Variants in KLHL1 observed in about 807,000 individuals in gnomAD.
KLHL1 encodes kelch like family member 1, also known as kelch-like protein 1.
KLHL1 carries 47 observed loss-of-function variants against 77.7 expected under a neutral mutation model. The observed-to-expected ratio is 0.60, with a 90% CI of 0.48 to 0.77. KLHL1 has a LOEUF of 0.77. Ranked by LOEUF, KLHL1 falls within the 30% of genes least tolerant of loss-of-function variation. KLHL1 has a pLI of 0.00. For missense variants in KLHL1, 925 were observed against 910.8 expected (o/e 1.02, Z -0.20); for synonymous variants, 360 against 325.2 (o/e 1.11, Z -1.15).
At chr13:69,929,306 C>A (rs1457984403) in intron 4 of KLHL1, among the ~76,000 whole-genome samples, 1 of 151,904 alleles carries the variant, frequency 6.6e-6, no homozygotes, top group Non-Finnish European at 1.5e-5. Context: ...TGTTTTATCT[C>A]ATTTTATATT....
intron 8 of KLHL1, among the ~76,000 whole-genome samples, chr13:69,720,537 AC>A (rs1208894689): frequency 2.4e-4 from 36 of 152,114 alleles, no homozygotes; most frequent in Admixed American, 2.3e-3. Context: ...AATGTCATTT[AC>A]TACTGGGGAA....
intron 9 of KLHL1, among the ~76,000 whole-genome samples, chr13:69,710,207 G>A (rs931271733): frequency 1.3e-5 from 2 of 151,582 alleles, no homozygotes; most frequent in Admixed American, 6.6e-5. Context: ...TGTTGCAGGG[G>A]AAATTTTAAG....
intron 4 of KLHL1, among the ~76,000 whole-genome samples, chr13:69,895,573 C>T (rs1207784110): frequency 6.6e-6 from 1 of 152,168 alleles, no homozygotes; most frequent in Non-Finnish European, 1.5e-5. Flanking sequence ...GATTATACTG[C>T]AGTTCTGGAG....
rs1037411367 is a variant in KLHL1, at chr13:69,901,787, CTTTTTTTCTTTT to C, written c.1015-19304_1015-19293del. On this transcript the variant is annotated intron_variant, in intron 4 of 10. Transcript: ENST00000377844. ...TGAGTTTTTCATTTTCTTTCTTTTT[CTTTTTTTCTTTT>C]TTTTTTTTTTTTTCTGAGACGGAGT... Among the ~76,000 whole-genome samples the C allele has an allele frequency of 2.9e-4, 23 of 80,178 alleles. 1 individual carries two copies. The highest frequency in any genetic ancestry group is 9.8e-4 in the East Asian group (2 of 2,044). The allele number at this position is 80,178 out of a possible 152,430, so 52.6% of individuals were successfully genotyped here.
At chr13:70,077,803 T>C (rs1372158891) in intron 1 of KLHL1, among the ~76,000 whole-genome samples, 1 of 151,982 alleles carries the variant, frequency 6.6e-6, no homozygotes, top group Non-Finnish European at 1.5e-5. Context: ...TAGAAACATA[T>C]TATATACACA....
At chr13:69,881,391 A>G (rs1004549324) in intron 5 of KLHL1, among the ~76,000 whole-genome samples, 1 of 152,090 alleles carries the variant, frequency 6.6e-6, no homozygotes, top group African/African-American at 2.4e-5. Context: ...GATTAGTAAA[A>G]ATGTTGATTG....
intron 6 of KLHL1, among the ~76,000 whole-genome samples, chr13:69,824,746 T>C (rs771977358): frequency 1.6e-4 from 24 of 152,090 alleles, no homozygotes; most frequent in Non-Finnish European, 3.4e-4. Context: ...TCTTTGGAGA[T>C]GTGGAAGGTG....
intron 1 of KLHL1, among the ~76,000 whole-genome samples, chr13:70,063,810 G>A (rs993787694): frequency 6.6e-6 from 1 of 152,026 alleles, no homozygotes; most frequent in African/African-American, 2.4e-5. Flanking sequence ...TTGCTTATCT[G>A]TATTTGAACC....
At chr13:69,735,754 CAAATT>C (rs1873737781) in intron 8 of KLHL1, among the ~76,000 whole-genome samples, 1 of 151,520 alleles carries the variant, frequency 6.6e-6, no homozygotes, top group South Asian at 2.1e-4. Context: ...ACATCTTTCT[CAAATT>C]AATCTGTAAA....
At chr13:70,075,502 A>AT (rs1887239294) in intron 1 of KLHL1, among the ~76,000 whole-genome samples, 1 of 146,508 alleles carries the variant, frequency 6.8e-6, no homozygotes. Context: ...AATAACAATT[A>AT]ATATATATAT....
chr13:69,847,569 A>G (rs7317137), intron 5 of KLHL1, among the ~76,000 whole-genome samples: 1 of 151,440 alleles, frequency 6.6e-6, no homozygotes, highest in African/African-American at 2.4e-5. Flanking sequence ...AACATATTAT[A>G]GACCAAAGAA....
At chr13:69,840,412 CAG>C (rs1879199914) in intron 5 of KLHL1, among the ~76,000 whole-genome samples, 1 of 151,798 alleles carries the variant, frequency 6.6e-6, no homozygotes, top group Admixed American at 6.6e-5. Context: ...TTAGTAGAGA[CAG>C]AGTTTCACCA....
chr13:70,101,282 T>C (rs1178882519), intron 1 of KLHL1, among the ~76,000 whole-genome samples: 1 of 152,084 alleles, frequency 6.6e-6, no homozygotes, highest in Non-Finnish European at 1.5e-5. Context: ...TCAACTAGCA[T>C]GTTTCATTGT....
At position 69,838,896 on chromosome 13, in the gene KLHL1, G is replaced by A. The variant is rs185566898; in HGVS notation, c.1414+80C>T. Reference sequence around the variant, plus strand: ...TAAAGCTGAGTTTATGTCATTTTTTGTAGTATCACCATTACAATATAAAAG... The same window carrying A: ...TAAAGCTGAGTTTATGTCATTTTTTATAGTATCACCATTACAATATAAAAG... On this transcript the variant is annotated intron_variant, in intron 6 of 10. Coordinates refer to ENST00000377844, the MANE Select transcript of KLHL1 (RefSeq NM_020866.3). 122 of 853,314 alleles carry A rather than the reference G, an allele frequency of 1.4e-4. No individual in the cohort carries two copies. The African/African-American group carries it at 1.9e-3, about 13-fold the overall frequency. 52.9% of individuals were successfully genotyped at this position (853,314 alleles called of 1,614,324 possible).
chr13:69,945,045 G>A (rs571792326), intron 3 of KLHL1, among the ~76,000 whole-genome samples: 17 of 143,964 alleles, frequency 1.2e-4, no homozygotes, highest in African/African-American at 3.7e-4. Flanking sequence ...GAGTGCAGTG[G>A]CGCCATCTTG....
Position 69,784,855 on chromosome 13 carries a change from T to A in KLHL1, c.1639+11883A>T, listed in dbSNP as rs1320046192. Reference sequence around the variant, plus strand: ...CGGACCTAATAGACATCTACAGAACTCTCCACCCCAAATCAACAGAATATA... The same window carrying A: ...CGGACCTAATAGACATCTACAGAACACTCCACCCCAAATCAACAGAATATA... On this transcript the variant is annotated intron_variant, in intron 7 of 10. Transcript: ENST00000377844. Among the ~76,000 whole-genome samples, 643 of 144,728 alleles carry A rather than the reference T, an allele frequency of 4.4e-3. 4 individuals carry two copies. Among genetic ancestry groups the A allele is most frequent in the African/African-American group, 0.015 (615 of 39,830 alleles). 94.9% of individuals were successfully genotyped at this position (144,728 alleles called of 152,430 possible).
chr13:69,775,672 A>AT (rs1875790556), intron 7 of KLHL1, among the ~76,000 whole-genome samples: 1 of 151,450 alleles, frequency 6.6e-6, no homozygotes, highest in East Asian at 2.0e-4. Flanking sequence ...TGTGAACTGT[A>AT]TTTTTCCTGA....
chr13:69,905,350 G>C (rs754783651), intron 4 of KLHL1, among the ~76,000 whole-genome samples: 10 of 152,004 alleles, frequency 6.6e-5, no homozygotes, highest in South Asian at 6.2e-4. Context: ...ATGTCAATAA[G>C]AGCACCATGC....
At chr13:69,742,831 TC>T (rs1874041619) in intron 7 of KLHL1, among the ~76,000 whole-genome samples, 1 of 152,174 alleles carries the variant, frequency 6.6e-6, no homozygotes, top group African/African-American at 2.4e-5. Flanking sequence ...TCTTGTTCTT[TC>T]ATTAGGTAGC....
Sources: allele counts gnomAD v4.1 joint callset (sites outside exome capture counted in the v4.1 genomes callset), GRCh38; gene constraint gnomAD v4.1.1; transcripts MANE v1.5; gene names NCBI Gene and HGNC (gene_info 2026-07-23, HGNC 2026-07-21).